Variants in MYH8 observed in about 807,000 individuals in gnomAD.
MYH8 encodes the protein myosin-8.
MYH8 carries 168 observed loss-of-function variants against 233.2 expected under a neutral mutation model. The observed-to-expected ratio is 0.72, with a 90% confidence interval of 0.64 to 0.82. The LOEUF is 0.82. MYH8 is among the 40% of genes least tolerant of loss of function. MYH8 has a pLI of 0.00. For synonymous variants in MYH8, 785 were observed against 850.6 expected, an observed-to-expected ratio of 0.92 and a Z score of 1.34; for missense variants, 1,995 against 2,327.8, an observed-to-expected ratio of 0.86 and a Z score of 2.94.
intron 39 of MYH8, among the ~76,000 whole-genome samples, chr17:10,391,182 G>C (rs2072019125): frequency 6.6e-6 from 1 of 152,218 alleles, no homozygotes; most frequent in Non-Finnish European, 1.5e-5. Context: ...AGCCCCCACT[G>C]ATGACACTAG....
chr17:10,400,672 C>G lies in MYH8; in HGVS notation c.3453G>C (p.Glu1151Asp), dbSNP rs2072130965. 1.2e-6 allele frequency: 2 copies of G among 1,614,208 alleles called. No individual in the cohort carries two copies. Among genetic ancestry groups the G allele is most frequent in the Non-Finnish European group, 1.7e-6 (2 of 1,180,052 alleles). Residue 1151 changes from glutamate to aspartate, a missense_variant, in exon 27 of 40, where the codon GAG becomes GAC. Around this residue, in one of 3 missense-constraint regions of MYH8, gnomAD observed 1,498 missense variants for 1,680.9 expected, o/e 0.89. Transcript: ENST00000403437. The surrounding 1 kb of genome is among the most constrained non-coding windows in gnomAD (Gnocchi z 4.0). ...TTGCCCCACCGGCTTCTTCCAGCCT[C>G]TCGCTGATCTCCTCCAGTTCCCGGG... ...DLSRELEEIS[E>D]RLEEAGGATS...
rs752133623 is a variant in MYH8, at chr17:10,414,293, T to C, written c.907A>G (p.Met303Val). 18 of 1,613,820 alleles carry C rather than the reference T, an allele frequency of 1.1e-5. No homozygotes were observed. The highest frequency in any genetic ancestry group is 8.3e-5 in the Admixed American group (5 of 60,002). Residue 303 changes from methionine (M) to valine (V), a missense_variant and splice_region_variant, in exon 11 of 40, where the codon ATG becomes GTG. Around this residue, in one of 3 missense-constraint regions of MYH8, gnomAD observed 479 missense variants for 600.9 expected, o/e 0.80. Transcript: ENST00000403437. ...TATGGGTTGGTGGTGATCAGGAGCA[T>C]TTCTGGGTCACAGAATTCAGGGCAT... ...TSNKKPDLIEMLLITTNPYDY... is the reference protein window; with the variant it reads ...TSNKKPDLIEVLLITTNPYDY...
chr17:10,393,623 G>A (rs1019193067), intron 35 of MYH8, among the ~76,000 whole-genome samples: 77 of 152,216 alleles, frequency 5.1e-4, no homozygotes, highest in African/African-American at 1.7e-3. Flanking sequence ...TTGTTCTGTC[G>A]GAGAGCACTG....
chr17:10,403,012 T>C (rs1376287303), intron 22 of MYH8, among the ~76,000 whole-genome samples: 3 of 152,188 alleles, frequency 2.0e-5, no homozygotes, highest in Non-Finnish European at 4.4e-5. Flanking sequence ...TTTGTGTTTT[T>C]GTTTGCTTTT....
intron 28 of MYH8, 130 bp from the exon 29 acceptor site, chr17:10,399,016 A>ATATATATC (rs2072108103): frequency 6.8e-6 from 2 of 293,262 alleles, no homozygotes; most frequent in African/African-American, 4.5e-5. Context: ...ATATATATAT[A>ATATATATC]TACAAGTTGT....
Position 10,412,591 on chromosome 17 carries a change from A to T in MYH8, c.1266+19T>A. 3 of 1,614,164 alleles carry T rather than the reference A, an allele frequency of 1.9e-6. No individual in the cohort carries two copies. Among genetic ancestry groups the T allele is most frequent in the Non-Finnish European group, 2.5e-6 (3 of 1,179,984 alleles). On this transcript the variant is annotated intron_variant, in intron 13 of 39. Coordinates refer to ENST00000403437, the MANE Select transcript of MYH8 (RefSeq NM_002472.3). ...TGAAGGCCTGAGATGTGTGTGATTCATTGAGGTCATGCACTTACCTGCTGC... is the reference window on the plus strand; with the variant it reads ...TGAAGGCCTGAGATGTGTGTGATTCTTTGAGGTCATGCACTTACCTGCTGC...
At chr17:10,392,496 C>T (rs1341243696) in intron 38 of MYH8, 46 bp downstream of exon 38, 3 of 1,539,932 alleles carry the variant, frequency 1.9e-6, no homozygotes, top group Non-Finnish European at 2.7e-6. Context: ...TTTCAATTTC[C>T]TTCTGGGCAG....
rs191077367 is a variant in MYH8 at position 10,408,597 on chromosome 17, T to G, written c.1965+500A>C. On this transcript the variant is annotated intron_variant, in intron 17 of 39. Coordinates refer to ENST00000403437, the MANE Select transcript of MYH8 (RefSeq NM_002472.3). ...TTATTCTTTAATCTCAAGAGATATT[T>G]CGTATCTTAATGATCCATTTAAGTC... 1.9e-3 allele frequency among the ~76,000 whole-genome samples: 282 copies of G among 152,360 alleles called. 5 individuals carry two copies. The East Asian group carries it at 0.034, about 18-fold the overall frequency.
Position 10,415,099 on chromosome 17 carries a change from A to G in MYH8, c.805+17T>C, listed in dbSNP as rs755250648. 37 of 1,608,114 alleles carry G rather than the reference A, an allele frequency of 2.3e-5. No individual in the cohort carries two copies. In the South Asian group the frequency reaches 2.6e-4, roughly 11 times the overall value. On this transcript the variant is annotated intron_variant, in intron 9 of 39. Coordinates refer to ENST00000403437, the MANE Select transcript of MYH8 (RefSeq NM_002472.3). This position sits in a 1 kb window ranked among gnomAD's most constrained non-coding sequence, Gnocchi z 4.1. ...ACTTGTCTCTCTGTTTTGATTTTCAATGGTCCTGTTACTCACATGTTTCTA... is the reference window on the plus strand; with the variant it reads ...ACTTGTCTCTCTGTTTTGATTTTCAGTGGTCCTGTTACTCACATGTTTCTA...
In MYH8 at chr17:10,393,095, G is replaced by T. The variant is rs1336565117; in HGVS notation, c.5282C>A (p.Ala1761Asp). 2 of 1,614,172 alleles carry T rather than the reference G, an allele frequency of 1.2e-6. No homozygotes were observed. Among genetic ancestry groups the T allele is most frequent in the East Asian group, 4.5e-5 (2 of 44,890 alleles). ...SRNAEEKAKK[A>D]ITDAAMMAEE... ...AAATGTTCATCTTACATCAGTGATG[G>T]CCTTCTTGGCTTTCTCTTCTGCATT... Residue 1761 changes from alanine (A) to aspartate (D), a missense_variant, in exon 36 of 40, where the codon GCC becomes GAC. Transcript: ENST00000403437.
Position 10,413,901 on chromosome 17 carries a change from C to A in MYH8, c.1147+1G>T. 1 of 1,613,880 alleles carries A rather than the reference C, an allele frequency of 6.2e-7. No homozygotes were observed. The highest frequency in any genetic ancestry group is 8.5e-7 in the Non-Finnish European group (1 of 1,179,966). On this transcript the variant is annotated splice_donor_variant, in intron 12 of 39. Coordinates refer to ENST00000403437, the MANE Select transcript of MYH8 (RefSeq NM_002472.3). LOFTEE classifies it high-confidence loss of function. The stretch of plus-strand genomic sequence containing the variant: ...AACCCAGATAAAGTTTCATTTGGTA[C>A]CTTCTGTGCCATCTGGCTCAGCTTG...
chr17:10,395,191 G>A lies in MYH8; in HGVS notation c.4904C>T (p.Ala1635Val), dbSNP rs750448710. Residue 1635 changes from alanine (A) to valine (V), a missense_variant, in exon 34 of 40, where the codon GCC becomes GTC. This residue lies in a region of MYH8 where 1,498 missense variants were observed against 1,680.9 expected (regional missense o/e 0.89). Transcript: ENST00000403437. ...TAAACTCTCTGCAGCTAAGCGATTGGCATGGTTCAGCTGGATTTCCATTTC... is the reference window on the plus strand; with the variant it reads ...TAAACTCTCTGCAGCTAAGCGATTGACATGGTTCAGCTGGATTTCCATTTC... Reference protein sequence around the residue: ...LNEMEIQLNHANRLAAESLRN... With the variant: ...LNEMEIQLNHVNRLAAESLRN... 1.2e-6 allele frequency: 2 copies of A among 1,614,112 alleles called. No homozygotes were observed. The highest frequency in any genetic ancestry group is 2.2e-5 in the South Asian group (2 of 91,086).
Position 10,396,821 on chromosome 17 carries a change from C to T in MYH8, c.4344G>A (p.Lys1448=). Residue 1448 remains lysine (K), a synonymous_variant, in exon 31 of 40, where the codon AAG becomes AAA. Coordinates refer to ENST00000403437, the MANE Select transcript of MYH8 (RefSeq NM_002472.3). The surrounding 1 kb of genome is among the most constrained non-coding windows in gnomAD (Gnocchi z 4.2). ...SNAACAALDK[K]QRNFDKVLSE... ...GGGCCACCTTGTCAAAGTTCCTTTGCTTCTTATCAAGGGCTGCACAGGCTG... is the reference window on the plus strand; with the variant it reads ...GGGCCACCTTGTCAAAGTTCCTTTGTTTCTTATCAAGGGCTGCACAGGCTG... The T allele has an allele frequency of 6.2e-7, 1 of 1,614,226 alleles. No homozygotes were observed. Among genetic ancestry groups the T allele is most frequent in the Non-Finnish European group, 8.5e-7 (1 of 1,180,046 alleles).
rs1254125426 is a variant in MYH8, at chr17:10,401,746, G to A, written c.2728C>T (p.Gln910Ter). 1 of 1,614,048 alleles carries A rather than the reference G, an allele frequency of 6.2e-7. No individual in the cohort carries two copies. The highest frequency in any genetic ancestry group is 8.5e-7 in the Non-Finnish European group (1 of 1,180,010). The change falls in exon 23 of 40, where the codon CAA (glutamine) becomes TAA (stop). Residue 910 changes from glutamine to a stop codon, truncating the protein, a stop_gained. Transcript: ENST00000403437. LOFTEE classifies it high-confidence loss of function. Reference sequence around the variant, plus strand: ...AGTTGGATTTTGTTTTTAATCAGTTGCTCACACCTTTCCTCTGCATCAGCC... The same window carrying A: ...AGTTGGATTTTGTTTTTAATCAGTTACTCACACCTTTCCTCTGCATCAGCC... ...SLADAEERCE[Q>*]LIKNKIQLEA...
rs75553582 is a variant in MYH8, at chr17:10,419,097, G to C, written c.211-67C>G. 8 of 1,593,978 alleles carry C rather than the reference G, an allele frequency of 5.0e-6. No homozygotes were observed. The African/African-American group carries it at 9.4e-5, about 19-fold the overall frequency. On this transcript the variant is annotated intron_variant, in intron 3 of 39. Transcript: ENST00000403437. This position sits in a 1 kb window ranked among gnomAD's most constrained non-coding sequence, Gnocchi z 4.0. ...TTTGAGATAGAGTTTTGCTTTTTTT[G>C]CCCAGGCTGGAGTGCAGTGGCGCGA...
Position 10,419,925 on chromosome 17 carries a change from T to C in MYH8, c.210+93A>G, listed in dbSNP as rs1016294564. 1.3e-5 allele frequency: 18 copies of C among 1,377,314 alleles called. No individual in the cohort carries two copies. The highest frequency in any genetic ancestry group is 2.3e-5 in the South Asian group (2 of 85,790). 85.3% of individuals were successfully genotyped at this position (1,377,314 alleles called of 1,614,324 possible). ...AACACTGACTAGAAGGGTGTTTGCA[T>C]TGGCAACAGGCTTGGAGATTCCCAG... On this transcript the variant is annotated intron_variant, in intron 3 of 39. Transcript: ENST00000403437. The surrounding 1 kb of genome is among the most constrained non-coding windows in gnomAD (Gnocchi z 4.0).
Position 10,394,398 on chromosome 17 carries a change from G to C in MYH8, c.5017C>G (p.Gln1673Glu), listed in dbSNP as rs2072060785. 1.2e-6 allele frequency: 2 copies of C among 1,614,046 alleles called. No homozygotes were observed. Among genetic ancestry groups the C allele is most frequent in the Non-Finnish European group, 1.7e-6 (2 of 1,180,030 alleles). The change falls in exon 35 of 40, where the codon CAG becomes GAG. Residue 1673 changes from glutamine (Q) to glutamate (E), a missense_variant. Gln to Glu is a conservative substitution (Grantham distance 29). Coordinates refer to ENST00000403437, the MANE Select transcript of MYH8 (RefSeq NM_002472.3). ...GCTCTGCGCTCCACAATTGCCAGCT[G>C]TTCCTTGAGGTCCTCCTGGCCCCGG... ...ALRGQEDLKE[Q>E]LAIVERRANL...
intron 35 of MYH8, among the ~76,000 whole-genome samples, 189 bp downstream of exon 35, chr17:10,394,060 C>T (rs540608952): frequency 8.3e-5 from 5 of 59,932 alleles, no homozygotes; most frequent in East Asian, 5.9e-4. Context: ...CAGGAACACA[C>T]ACCAAAAAAA....
intron 34 of MYH8, 148 bp downstream of exon 34, chr17:10,394,985 G>T: frequency 1.2e-6 from 1 of 853,234 alleles, no homozygotes; most frequent in Non-Finnish European, 1.9e-6. Flanking sequence ...AAAATAATAT[G>T]TTCTATGTGT....
Sources: allele counts gnomAD v4.1 joint callset (sites outside exome capture counted in the v4.1 genomes callset), GRCh38; gene constraint gnomAD v4.1.1; regional missense constraint gnomAD v4.1.1; non-coding constraint Gnocchi (gnomAD v3.1); transcripts MANE v1.5; gene names NCBI Gene and HGNC (gene_info 2026-07-23, HGNC 2026-07-21).